The following COL5A1 variants were observed in gnomAD, a reference collection of about 807,000 sequenced individuals.
COL5A1 encodes the protein collagen alpha-1(V) chain.
A neutral mutation model predicts 263.7 loss-of-function variants in COL5A1; 16 were observed. The ratio of observed to expected loss-of-function variants is 0.06; its 90% CI spans 0.04 to 0.09. COL5A1 has a LOEUF of 0.09. Ranked by LOEUF, COL5A1 falls within the 10% of genes least tolerant of loss-of-function variation. The pLI, the probability that COL5A1 is intolerant of heterozygous loss-of-function variation, is 1.00. For synonymous variants in COL5A1, 1,012 were observed against 1,004.5 expected, an observed-to-expected ratio of 1.01 and a Z score of -0.14; for missense variants, 2,036 against 2,540.5, an observed-to-expected ratio of 0.80 and a Z score of 4.27.
At position 134,756,502 on chromosome 9, in the gene COL5A1, G is replaced by A. The variant is rs114326916; in HGVS notation, c.1828-263G>A. Among the ~76,000 whole-genome samples the A allele has an allele frequency of 3.8e-3, 577 of 152,334 alleles. 2 individuals are homozygous for A. Among genetic ancestry groups the A allele is most frequent in the African/African-American group, 0.013 (539 of 41,568 alleles). On this transcript the variant is annotated intron_variant, in intron 16 of 65. Coordinates refer to ENST00000371817, the MANE Select transcript of COL5A1 (RefSeq NM_000093.5). The stretch of plus-strand genomic sequence containing the variant: ...CTTCTCGAAGCCCAGGGGCAGTGGC[G>A]TGATCCCCCTTTGACAGTCTGGGAT...
chr9:134,685,507 TCA>T (rs1491111081), intron 1 of COL5A1, among the ~76,000 whole-genome samples: 4 of 636 alleles, frequency 6.3e-3, no homozygotes, highest in Admixed American at 0.023. Context: ...CATCCATCCA[TCA>T]CCATCCATCC....
At chr9:134,744,096 C>T (rs748714992) in intron 11 of COL5A1, among the ~76,000 whole-genome samples, 4 of 152,182 alleles carry the variant, frequency 2.6e-5, no homozygotes, top group Admixed American at 1.3e-4. Context: ...TGTCTGACTC[C>T]GAAGGAGTTA....
intron 4 of COL5A1, among the ~76,000 whole-genome samples, chr9:134,714,213 G>T (rs571417799): frequency 6.6e-6 from 1 of 152,082 alleles, no homozygotes; most frequent in Non-Finnish European, 1.5e-5. Context: ...AGGCATGTTC[G>T]GGAAAGGCTG....
intron 1 of COL5A1, among the ~76,000 whole-genome samples, chr9:134,658,836 C>G (rs1488520220): frequency 6.6e-6 from 1 of 152,198 alleles, no homozygotes; most frequent in Admixed American, 6.5e-5. Context: ...TCTTCAAGGT[C>G]TCTCCGGAGC....
At chr9:134,825,258 C>A (rs991910308) in intron 62 of COL5A1, among the ~76,000 whole-genome samples, 2 of 152,148 alleles carry the variant, frequency 1.3e-5, no homozygotes, top group African/African-American at 4.8e-5. Context: ...GTGTTAGGAC[C>A]GGCAGCAGAC....
At chr9:134,786,110 C>T (rs1194884535) in intron 31 of COL5A1, 62 bp downstream of exon 31, 5 of 1,433,774 alleles carry the variant, frequency 3.5e-6, no homozygotes, top group African/African-American at 2.8e-5. Flanking sequence ...CCGGTCTCCC[C>T]ACCCTGCATC....
At chr9:134,766,965 G>C (rs1259555352) in intron 22 of COL5A1, 35 bp from the exon 23 acceptor site, 2 of 1,598,614 alleles carry the variant, frequency 1.3e-6, no homozygotes, top group Admixed American at 1.7e-5. Context: ...AGTTCCCAGA[G>C]CCCCCTTCAG....
chr9:134,832,450 G>T (rs1038257182), intron 64 of COL5A1, among the ~76,000 whole-genome samples: 1 of 152,134 alleles, frequency 6.6e-6, no homozygotes, highest in Non-Finnish European at 1.5e-5. Flanking sequence ...TTTTATCTGG[G>T]CAGGGCTACC....
intron 32 of COL5A1, among the ~76,000 whole-genome samples, chr9:134,793,332 G>A (rs1837784603): frequency 6.6e-6 from 1 of 151,980 alleles, no homozygotes; most frequent in Non-Finnish European, 1.5e-5. Flanking sequence ...CTAAGGGCAA[G>A]AAGACAGGTG....
chr9:134,794,956 G>A lies in COL5A1; in HGVS notation c.2701-126G>A, dbSNP rs1478464022. Reference sequence around the variant, plus strand: ...TTAAAACACGGAAAAGGTGGGTGGCGGGGAGGCCCAGGTTCCTCCTATCCT... The same window carrying A: ...TTAAAACACGGAAAAGGTGGGTGGCAGGGAGGCCCAGGTTCCTCCTATCCT... On this transcript the variant is annotated intron_variant, in intron 32 of 65. Coordinates refer to ENST00000371817, the MANE Select transcript of COL5A1 (RefSeq NM_000093.5). The surrounding 1 kb of genome is among the most constrained non-coding windows in gnomAD (Gnocchi z 4.3). 1.3e-5 allele frequency: 13 copies of A among 990,698 alleles called. No individual in the cohort carries two copies. Among genetic ancestry groups the A allele is most frequent in the African/African-American group, 9.7e-5 (6 of 61,860 alleles). 61.4% of individuals were successfully genotyped at this position (990,698 alleles called of 1,614,324 possible). A position where few individuals can be genotyped will look rare whatever the true frequency, so the allele number is the denominator to read the frequency against.
At chr9:134,747,963 A>G (rs140180157) in intron 11 of COL5A1, among the ~76,000 whole-genome samples, 1,899 of 103,812 alleles carry the variant, frequency 0.018, 17 homozygotes, top group East Asian at 0.045. Flanking sequence ...AGACACATGC[A>G]CACATGCATT....
chr9:134,700,063 G>T lies in COL5A1; in HGVS notation c.432G>T (p.Thr144=), dbSNP rs528963362. The change falls in exon 3 of 66, where the codon ACG becomes ACT. Residue 144 remains threonine (T), a synonymous_variant. Coordinates refer to ENST00000371817, the MANE Select transcript of COL5A1 (RefSeq NM_000093.5). This position sits in a 1 kb window ranked among gnomAD's most constrained non-coding sequence, Gnocchi z 4.0. ...RSPVFLYEDH[T]GKPGPEDYPL... ...CCGTCTTCCTCTACGAGGACCACAC[G>T]GGGAAGCCTGGCCCGGAAGACTACC... 55 of 1,612,586 alleles carry T rather than the reference G, an allele frequency of 3.4e-5. No homozygotes were observed. In the Middle Eastern group the frequency reaches 5.0e-4, roughly 15 times the overall value.
At chr9:134,836,337 C>G (rs1422722956) in intron 65 of COL5A1, among the ~76,000 whole-genome samples, 1 of 152,168 alleles carries the variant, frequency 6.6e-6, no homozygotes, top group African/African-American at 2.4e-5. Flanking sequence ...AATCAGCTCT[C>G]ATGGGAACTA....
At chr9:134,827,071 C>T (rs922326564) in intron 63 of COL5A1, among the ~76,000 whole-genome samples, 18 of 152,276 alleles carry the variant, frequency 1.2e-4, no homozygotes, top group South Asian at 2.1e-4. Context: ...TCGCAGTTGT[C>T]GCGTGGCCCC....
intron 13 of COL5A1, among the ~76,000 whole-genome samples, 168 bp from the exon 14 acceptor site, chr9:134,752,421 G>A (rs1588504339): frequency 1.6e-4 from 1 of 6,296 alleles, no homozygotes; most frequent in African/African-American, 5.8e-4. Flanking sequence ...ATCGAAGTCG[G>A]GGGGGGGGGG....
At chr9:134,712,029 C>A (rs1167094459) in intron 4 of COL5A1, among the ~76,000 whole-genome samples, 17 of 124,578 alleles carry the variant, frequency 1.4e-4, no homozygotes, top group African/African-American at 5.1e-4. Context: ...CCTTCCTTCC[C>A]CCCTTCTTCC....
chr9:134,688,404 G>A (rs1833151320), intron 1 of COL5A1, among the ~76,000 whole-genome samples: 1 of 152,242 alleles, frequency 6.6e-6, no homozygotes, highest in South Asian at 2.1e-4. Flanking sequence ...TTCAGCAGGT[G>A]GACCGGCAGC....
chr9:134,706,641 G>A (rs969456634), intron 4 of COL5A1, among the ~76,000 whole-genome samples: 35 of 152,302 alleles, frequency 2.3e-4, no homozygotes, highest in Middle Eastern at 3.4e-3. Context: ...TTGGGACCTC[G>A]GAAATCATGA....
At chr9:134,650,393 G>A (rs1831635916) in intron 1 of COL5A1, among the ~76,000 whole-genome samples, 1 of 152,176 alleles carries the variant, frequency 6.6e-6, no homozygotes, top group South Asian at 2.1e-4. Flanking sequence ...GGAACAGATG[G>A]GGTCCATATG....
Sources: gnomAD v4.1 joint callset for allele counts (sites outside exome capture counted in the v4.1 genomes callset) on GRCh38, gnomAD v4.1.1 for gene constraint, Gnocchi (gnomAD v3.1) non-coding constraint, MANE v1.5 for transcripts, NCBI Gene and HGNC (gene_info 2026-07-23, HGNC 2026-07-21) for gene names.